Variants in GLIS3 observed in about 807,000 individuals in gnomAD.
GLIS3 encodes the protein GLIS family zinc finger 3, also known as zinc finger protein GLIS3.
Under a neutral mutation model 78.6 loss-of-function variants are expected in GLIS3, and 53 were observed. That is an observed-to-expected ratio of 0.67 (90% confidence interval 0.54 to 0.85). The LOEUF (loss-of-function observed/expected upper bound fraction) is 0.85, where lower values mean the gene tolerates loss of function less well. Among genes scored for constraint, GLIS3 ranks in the 40% least tolerant of loss-of-function variants. GLIS3 has a pLI of 0.00. For missense variants in GLIS3, 1,703 were observed against 1,231.1 expected (o/e 1.38, Z -5.74); for synonymous variants, 684 against 509.9 (o/e 1.34, Z -4.60).
At position 4,096,214 on chromosome 9, in the gene GLIS3, A is replaced by C. The variant is rs1415283851; in HGVS notation, c.1710+21554T>G. Among the ~76,000 whole-genome samples the C allele has an allele frequency of 2.0e-5, 3 of 152,342 alleles. No individual in the cohort carries two copies. In the East Asian group the frequency reaches 5.8e-4, roughly 29 times the overall value. ...AAAGTGACTTAAAATCTGTGTTTCT[A>C]CATAGTGCTAAAATAACCAGACGAT... On this transcript the variant is annotated intron_variant, in intron 4 of 10. Transcript: ENST00000381971.
At chr9:4,470,544 A>G in the GLIS3 span, among the ~76,000 whole-genome samples, 1 of 152,258 alleles carries the variant, frequency 6.6e-6, no homozygotes, top group Non-Finnish European at 1.5e-5. Context: ...GCCTTTGACA[A>G]AATTCAACAA....
chr9:4,424,932 T>C, the GLIS3 span, among the ~76,000 whole-genome samples: 42 of 152,218 alleles, frequency 2.8e-4, no homozygotes, highest in African/African-American at 8.9e-4. Context: ...GGCCAACGTG[T>C]TCTGGACAGT....
the GLIS3 span, among the ~76,000 whole-genome samples, chr9:4,408,912 A>G: frequency 6.6e-6 from 1 of 152,104 alleles, no homozygotes; most frequent in African/African-American, 2.4e-5. Flanking sequence ...TGATGGGATT[A>G]CTACACACTG....
intron 2 of GLIS3, among the ~76,000 whole-genome samples, chr9:4,321,344 C>T (rs1817523048): frequency 1.7e-5 from 2 of 121,054 alleles, no homozygotes; most frequent in Non-Finnish European, 3.1e-5. Flanking sequence ...ATGGCGTGAA[C>T]CCAGGAGGCG....
chr9:4,312,443 G>C (rs1222104376), intron 2 of GLIS3, among the ~76,000 whole-genome samples: 1 of 152,182 alleles, frequency 6.6e-6, no homozygotes, highest in Non-Finnish European at 1.5e-5. Context: ...ACTCCAGCCT[G>C]GGTGACAGAG....
the GLIS3 span, among the ~76,000 whole-genome samples, chr9:4,489,970 A>C: frequency 1.3e-5 from 2 of 152,196 alleles, no homozygotes; most frequent in Non-Finnish European, 2.9e-5. Context: ...CTCTCCTCCC[A>C]GAAGCTTCAG....
intron 2 of GLIS3, among the ~76,000 whole-genome samples, chr9:4,259,081 A>C (rs1825257678): frequency 6.6e-6 from 1 of 151,934 alleles, no homozygotes; most frequent in African/African-American, 2.4e-5. Flanking sequence ...AACATTCCAG[A>C]TACTTCTCTA....
At chr9:3,963,399 C>A (rs976966587) in intron 4 of GLIS3, among the ~76,000 whole-genome samples, 1 of 152,144 alleles carries the variant, frequency 6.6e-6, no homozygotes, top group Admixed American at 6.5e-5. Context: ...GTATCACTGG[C>A]CCTGCTGGAG....
Position 3,829,401 on chromosome 9 carries a change from A to C in GLIS3, c.2565T>G (p.Pro855=). 6.2e-7 allele frequency: 1 copy of C among 1,614,112 alleles called. No individual in the cohort carries two copies. Among genetic ancestry groups the C allele is most frequent in the Non-Finnish European group, 8.5e-7 (1 of 1,179,998 alleles). The change falls in exon 10 of 11, where the codon CCT becomes CCG. Residue 855 remains proline, a synonymous_variant. Coordinates refer to ENST00000381971, the MANE Select transcript of GLIS3 (RefSeq NM_001042413.2). ...TAGGGACTAGGCAGTCCTCAAACGAAGGCACCACACTGCAGGAGCTGACAG... is the reference window on the plus strand; with the variant it reads ...TAGGGACTAGGCAGTCCTCAAACGACGGCACCACACTGCAGGAGCTGACAG... ...VPPVSSCSVV[P]SFEDCLVPTS... is the part of the protein sequence containing the mutation.
At chr9:4,182,587 T>G (rs1165775031) in intron 2 of GLIS3, among the ~76,000 whole-genome samples, 1 of 152,192 alleles carries the variant, frequency 6.6e-6, no homozygotes, top group Non-Finnish European at 1.5e-5. Context: ...CACAAACATC[T>G]TGGAGAATGT....
intron 4 of GLIS3, among the ~76,000 whole-genome samples, chr9:4,091,532 A>AAC (rs111412514): frequency 6.3e-5 from 5 of 79,704 alleles, no homozygotes; most frequent in Admixed American, 1.4e-4. Flanking sequence ...CGTGCACACA[A>AAC]ACACACACAC....
chr9:4,023,356 C>T (rs1823043150), intron 4 of GLIS3, among the ~76,000 whole-genome samples: 1 of 152,138 alleles, frequency 6.6e-6, no homozygotes, highest in Non-Finnish European at 1.5e-5. Context: ...CCCCATTCTG[C>T]TATTTTTTAT....
At chr9:4,298,965 G>A (rs573501114) in intron 1 of GLIS3, among the ~76,000 whole-genome samples, 16 of 152,278 alleles carry the variant, frequency 1.1e-4, no homozygotes, top group African/African-American at 3.8e-4. Context: ...GAGACCTCAC[G>A]TCACCCCATC....
At chr9:3,974,586 A>C (rs1818627565) in intron 4 of GLIS3, among the ~76,000 whole-genome samples, 1 of 152,196 alleles carries the variant, frequency 6.6e-6, no homozygotes, top group Non-Finnish European at 1.5e-5. Flanking sequence ...TTGTGCCCGC[A>C]GAAAAACCAA....
chr9:4,485,564 C>T, the GLIS3 span, among the ~76,000 whole-genome samples: 1 of 152,194 alleles, frequency 6.6e-6, no homozygotes, highest in African/African-American at 2.4e-5. Flanking sequence ...TGAGTAATAA[C>T]TTCCTGTCTC....
At chr9:4,140,746 T>C (rs1833747983) in intron 2 of GLIS3, among the ~76,000 whole-genome samples, 1 of 152,004 alleles carries the variant, frequency 6.6e-6, no homozygotes, top group African/African-American at 2.4e-5. Flanking sequence ...TTGTGCTCCT[T>C]CGTCTCAAGA....
chr9:4,084,295 A>ACACACACACACACACACACACAC (rs777071830), intron 4 of GLIS3, among the ~76,000 whole-genome samples: 5 of 87,554 alleles, frequency 5.7e-5, no homozygotes, highest in Admixed American at 1.3e-4. Context: ...ACACACACAC[A>ACACACACACACACACACACACAC]AATTCCTAGC....
At chr9:4,170,667 T>C (rs1009427481) in intron 2 of GLIS3, among the ~76,000 whole-genome samples, 1 of 152,110 alleles carries the variant, frequency 6.6e-6, no homozygotes, top group African/African-American at 2.4e-5. Flanking sequence ...TTACACGAAA[T>C]GTACGGTGGA....
intron 2 of GLIS3, among the ~76,000 whole-genome samples, chr9:4,190,195 C>T (rs965972818): frequency 6.6e-6 from 1 of 152,180 alleles, no homozygotes; most frequent in Non-Finnish European, 1.5e-5. Flanking sequence ...ATGACTTTGA[C>T]GAGTTGAGAG....
Sources: gnomAD v4.1 joint callset for allele counts (sites outside exome capture counted in the v4.1 genomes callset) on GRCh38, gnomAD v4.1.1 for gene constraint, MANE v1.5 for transcripts, NCBI Gene and HGNC (gene_info 2026-07-23, HGNC 2026-07-21) for gene names.